The following DSG3 variants were observed in gnomAD, a reference collection of about 807,000 sequenced individuals.
DSG3 encodes the protein desmoglein-3.
Under a neutral mutation model 85.9 loss-of-function variants are expected in DSG3, and 63 were observed. That is an observed-to-expected ratio of 0.73 (90% CI 0.60 to 0.90). DSG3 has a LOEUF of 0.90. Ranked by LOEUF, DSG3 falls within the 40% of genes least tolerant of loss-of-function variation. DSG3 has a pLI of 0.00. For synonymous variants in DSG3, 447 were observed against 441.9 expected, an observed-to-expected ratio of 1.01 and a Z score of -0.14; for missense variants, 1,220 against 1,219.9, an observed-to-expected ratio of 1.00 and a Z score of 0.00.
rs974427344 is a variant in DSG3, at chr18:31,478,458, T to A, written c.*2198T>A. ...CCATGCTATAGTAATAAAGGTTATA[T>A]AAGAGAGAAATTGAAATTAAATGTG... is the stretch of plus-strand genomic sequence containing the variant. On this transcript the variant is annotated 3_prime_UTR_variant, in exon 16 of 16. Coordinates refer to ENST00000257189, the MANE Select transcript of DSG3 (RefSeq NM_001944.3). The A allele has an allele frequency of 6.6e-6, 1 of 152,154 alleles. No homozygotes were observed. Among genetic ancestry groups the A allele is most frequent in the African/African-American group, 2.4e-5 (1 of 41,422 alleles). The allele number at this position is 152,154 out of a possible 1,614,324, so 9.4% of individuals were successfully genotyped here. A position where few individuals can be genotyped will look rare whatever the true frequency, so the allele number is the denominator to read the frequency against.
rs1040524385 is a variant in DSG3 at position 31,477,508 on chromosome 18, G to A, written c.*1248G>A. On this transcript the variant is annotated 3_prime_UTR_variant, in exon 16 of 16. Transcript: ENST00000257189. The stretch of plus-strand genomic sequence containing the variant: ...AATCTGTGAATATGTATTATAAGCA[G>A]CATTCCAGAAAAGTAGTTGGTGAAA... The A allele has an allele frequency of 6.6e-6, 1 of 152,166 alleles. No individual in the cohort carries two copies. The highest frequency in any genetic ancestry group is 2.4e-5 in the African/African-American group (1 of 41,430). The allele number at this position is 152,166 out of a possible 1,614,324, so 9.4% of individuals were successfully genotyped here.
Position 31,456,457 on chromosome 18 carries a change from TG to T in DSG3, c.68del (p.Gly23GlufsTer5). 7.4e-7 allele frequency: 1 copy of T among 1,348,068 alleles called. No homozygotes were observed. Among genetic ancestry groups the T allele is most frequent in the Non-Finnish European group, 9.6e-7 (1 of 1,042,362 alleles). 83.5% of individuals were successfully genotyped at this position (1,348,068 alleles called of 1,614,324 possible). Reference sequence around the variant, plus strand: ...GTCTGCAGGTGGTCATATTGGTTCATGGAGAATTGCGAATAGAGGTAAAGTA... The same window carrying T: ...GTCTGCAGGTGGTCATATTGGTTCATGAGAATTGCGAATAGAGGTAAAGTA... ...AIFVVVILVHGELRIETKGQY... is the reference protein window; with the variant it reads ...AIFVVVILVHXELRIETKGQY... On this transcript the variant is annotated frameshift_variant, in exon 2 of 16. Coordinates refer to ENST00000257189, the MANE Select transcript of DSG3 (RefSeq NM_001944.3). LOFTEE classifies it high-confidence loss of function.
At chr18:31,464,693 C>T (rs182618386) in intron 9 of DSG3, among the ~76,000 whole-genome samples, 34 of 152,246 alleles carry the variant, frequency 2.2e-4, no homozygotes, top group Admixed American at 7.2e-4. Context: ...TAGAAGTGCA[C>T]CATGAGAACA....
chr18:31,460,785 T>C (rs758592889), intron 6 of DSG3, 48 bp from the exon 7 acceptor site: 1 of 1,491,262 alleles, frequency 6.7e-7, no homozygotes, highest in South Asian at 1.3e-5. Context: ...TTTCCATTTA[T>C]AATTCTTTGG....
At position 31,466,554 on chromosome 18, in the gene DSG3, G is replaced by A. The variant is rs2072819696; in HGVS notation, c.1436G>A (p.Gly479Asp). The A allele has an allele frequency of 6.2e-7, 1 of 1,614,016 alleles. No homozygotes were observed. Among genetic ancestry groups the A allele is most frequent in the South Asian group, 1.1e-5 (1 of 91,084 alleles). ...GAATACACGGGTAAAACTTCTACAG[G>A]CACGGTATATGTTAGAGTACCCGAT... Reference protein sequence around the residue: ...IDEYTGKTSTGTVYVRVPDFN... With the variant: ...IDEYTGKTSTDTVYVRVPDFN... The change falls in exon 11 of 16, where the codon GGC (glycine) becomes GAC (aspartate). Residue 479 changes from glycine (G) to aspartate (D), a missense_variant. Transcript: ENST00000257189.
In DSG3 at chr18:31,476,229, G is replaced by A; in HGVS notation, c.2969G>A (p.Cys990Tyr). 1 of 1,613,034 alleles carries A rather than the reference G, an allele frequency of 6.2e-7. No homozygotes were observed. Residue 990 changes from cysteine (C) to tyrosine (Y), a missense_variant, in exon 16 of 16, where the codon TGT becomes TAT. Transcript: ENST00000257189. ...CTACGAGGGTCACATACTATGCTCT[G>A]TACAGAGGATCCTTGCTCCCGTCTA... ...TQLRGSHTML[C>Y]TEDPCSRLI
At position 31,472,292 on chromosome 18, in the gene DSG3, C is replaced by A; in HGVS notation, c.1906C>A (p.Leu636Ile). Reference sequence around the variant, plus strand: ...GTTTTGTTTTTCACTAGTGGCCCCCCTTCTGCTGTTGACCTGTGACTGTGG... The same window carrying A: ...GTTTTGTTTTTCACTAGTGGCCCCCATTCTGCTGTTGACCTGTGACTGTGG... ...LGLLLLLLAP[L>I]LLLTCDCGAG... Residue 636 changes from leucine to isoleucine, a missense_variant, in exon 13 of 16, where the codon CTT (leucine) becomes ATT (isoleucine). Physicochemically the swap from Leu to Ile is conservative, Grantham distance 5. Transcript: ENST00000257189. The A allele has an allele frequency of 6.2e-7, 1 of 1,614,042 alleles. No homozygotes were observed. The highest frequency in any genetic ancestry group is 1.3e-5 in the African/African-American group (1 of 75,038).
intron 11 of DSG3, among the ~76,000 whole-genome samples, chr18:31,468,162 G>A (rs1364395667): frequency 1.3e-5 from 2 of 152,168 alleles, no homozygotes; most frequent in Non-Finnish European, 2.9e-5. Flanking sequence ...ACATAGCAAT[G>A]GGAGATAGAA....
Position 31,475,971 on chromosome 18 carries a change from G to A in DSG3, c.2711G>A (p.Ser904Asn). Residue 904 changes from serine to asparagine, a missense_variant, in exon 16 of 16, where the codon AGT becomes AAT. By Grantham distance (46) the Ser-to-Asn change is conservative. Transcript: ENST00000257189. ...GFVKCQTLSGSQGASALSTSG... is the reference protein window; with the variant it reads ...GFVKCQTLSGNQGASALSTSG... The stretch of plus-strand genomic sequence containing the variant: ...GTTAAGTGCCAGACTTTGTCAGGAA[G>A]TCAAGGAGCTTCTGCTTTGTCCACC... 1 of 1,614,210 alleles carries A rather than the reference G, an allele frequency of 6.2e-7. No homozygotes were observed. Among genetic ancestry groups the A allele is most frequent in the Non-Finnish European group, 8.5e-7 (1 of 1,180,040 alleles).
intron 1 of DSG3, among the ~76,000 whole-genome samples, chr18:31,448,812 T>C (rs2072694269): frequency 1.4e-5 from 2 of 144,178 alleles, no homozygotes; most frequent in African/African-American, 2.7e-5. Context: ...TTACCTCATT[T>C]CTTCATGAAA....
chr18:31,457,605 T>C (rs2144267232), intron 3 of DSG3, among the ~76,000 whole-genome samples: 1 of 105,016 alleles, frequency 9.5e-6, no homozygotes, highest in East Asian at 2.4e-4. Flanking sequence ...TCTTTCTTTC[T>C]TTCTTTCTTT....
Position 31,476,117 on chromosome 18 carries a change from C to G in DSG3, c.2857C>G (p.Pro953Ala), listed in dbSNP as rs764720224. 6.2e-7 allele frequency: 1 copy of G among 1,614,056 alleles called. No homozygotes were observed. The highest frequency in any genetic ancestry group is 1.3e-5 in the African/African-American group (1 of 74,924). The change falls in exon 16 of 16, where the codon CCA becomes GCA. Residue 953 changes from proline to alanine, a missense_variant. Coordinates refer to ENST00000257189, the MANE Select transcript of DSG3 (RefSeq NM_001944.3). ...LVQPSTAGFD[P>A]LLTQNVIVTE... is the part of the protein sequence containing the mutation. ...GCAACCTTCCACTGCAGGCTTTGAT[C>G]CACTTCTCACACAAAATGTGATAGT...
chr18:31,455,159 C>T (rs189635851), intron 1 of DSG3, among the ~76,000 whole-genome samples: 12 of 152,166 alleles, frequency 7.9e-5, no homozygotes, highest in Non-Finnish European at 1.5e-4. Flanking sequence ...CATCTGTATA[C>T]TAGGGATTAT....
chr18:31,462,176 G>A (rs1202348864), intron 8 of DSG3, among the ~76,000 whole-genome samples: 2 of 152,046 alleles, frequency 1.3e-5, no homozygotes, highest in Non-Finnish European at 2.9e-5. Context: ...AGGCCCCAGT[G>A]ATCCTCCCAC....
In DSG3 at chr18:31,473,430, A is replaced by G. The variant is rs374282363; in HGVS notation, c.2101+642A>G. Among the ~76,000 whole-genome samples the G allele has an allele frequency of 3.3e-5, 5 of 152,370 alleles. No individual in the cohort carries two copies. The East Asian group carries it at 7.7e-4, about 23-fold the overall frequency. The stretch of plus-strand genomic sequence containing the variant: ...AACTACTCAGTGAACTAAAAGAACA[A>G]TAATACTTAATGCCTAATATTAAAG... On this transcript the variant is annotated intron_variant, in intron 14 of 15. Coordinates refer to ENST00000257189, the MANE Select transcript of DSG3 (RefSeq NM_001944.3).
rs141345290 is a variant in DSG3, at chr18:31,456,457, T to C, written c.66T>C (p.His22=). The change falls in exon 2 of 16, where the codon CAT becomes CAC. Residue 22 remains histidine, a synonymous_variant. Transcript: ENST00000257189. ...LAIFVVVILV[H]GELRIETKGQ... is the part of the protein sequence containing the mutation. ...GTCTGCAGGTGGTCATATTGGTTCA[T>C]GGAGAATTGCGAATAGAGGTAAAGT... is the stretch of plus-strand genomic sequence containing the variant. 1.1e-4 allele frequency: 143 copies of C among 1,347,950 alleles called. No individual in the cohort carries two copies. Among genetic ancestry groups the C allele is most frequent in the Non-Finnish European group, 1.3e-4 (136 of 1,042,370 alleles). 83.5% of individuals were successfully genotyped at this position (1,347,950 alleles called of 1,614,324 possible).
In DSG3 at chr18:31,447,899, A is replaced by G; in HGVS notation, c.22A>G (p.Thr8Ala). Reference protein sequence around the residue: MMGLFPRTTGALAIFVVV... With the variant: MMGLFPRATGALAIFVVV... ...GACAATGATGGGGCTCTTCCCCAGA[A>G]CTACAGGGGCTCTGGCCATCTTCGT... The change falls in exon 1 of 16, where the codon ACT becomes GCT. Residue 8 changes from threonine (T) to alanine (A), a missense_variant. Transcript: ENST00000257189. 3.8e-6 allele frequency: 6 copies of G among 1,590,924 alleles called. No individual in the cohort carries two copies. The highest frequency in any genetic ancestry group is 5.1e-6 in the Non-Finnish European group (6 of 1,170,282).
chr18:31,458,902 T>C (rs1195431706), intron 4 of DSG3, 131 bp from the exon 5 acceptor site: 4 of 1,210,742 alleles, frequency 3.3e-6, no homozygotes, highest in Admixed American at 2.8e-5. Flanking sequence ...CCACTTTGTC[T>C]ACCCTTTGGG....
At position 31,472,387 on chromosome 18, in the gene DSG3, T is replaced by C. The variant is rs566503292; in HGVS notation, c.2001T>C (p.His667=). 155 of 1,614,074 alleles carry C rather than the reference T, an allele frequency of 9.6e-5. 2 individuals carry two copies. The South Asian group carries it at 1.6e-3, about 16-fold the overall frequency. The change falls in exon 13 of 16, where the codon CAT becomes CAC. Residue 667 remains histidine, a synonymous_variant. Transcript: ENST00000257189. ...CTGATGGCTCAGAAGGAACAATTCATCAGTGGGGAATTGAAGGAGCCCATC... is the reference window on the plus strand; with the variant it reads ...CTGATGGCTCAGAAGGAACAATTCACCAGTGGGGAATTGAAGGAGCCCATC... ...PVPDGSEGTI[H]QWGIEGAHPE...
Sources: gnomAD v4.1 joint callset for allele counts (sites outside exome capture counted in the v4.1 genomes callset) on GRCh38, gnomAD v4.1.1 for gene constraint, MANE v1.5 for transcripts, NCBI Gene and HGNC (gene_info 2026-07-23, HGNC 2026-07-21) for gene names.